The following ACSS1 variants were observed in gnomAD, a reference collection of about 807,000 sequenced individuals.
ACSS1 encodes acetyl-coenzyme A synthetase 2-like, mitochondrial.
Under a neutral mutation model 75.3 loss-of-function variants are expected in ACSS1, and 42 were observed. The ratio of observed to expected loss-of-function variants is 0.56; its 90% CI spans 0.44 to 0.72. The LOEUF (loss-of-function observed/expected upper bound fraction) is 0.72. Ranked by LOEUF, ACSS1 falls within the 30% of genes least tolerant of loss-of-function variation. ACSS1 has a pLI of 0.00. For missense variants in ACSS1, 782 were observed against 935.7 expected (o/e 0.84, Z 2.14); for synonymous variants, 380 against 376.8 (o/e 1.01, Z -0.10).
At chr20:25,032,636 G>C (rs1339781484) in intron 2 of ACSS1, 13 of 1,227,822 alleles carry the variant, frequency 1.1e-5, no homozygotes, top group African/African-American at 1.6e-5. Context: ...GACCCTCCTC[G>C]GGCTCTCAAG....
chr20:25,048,063 T>TGAACATTC, intron 2 of ACSS1, 22 bp downstream of exon 2: 1 of 1,611,354 alleles, frequency 6.2e-7, no homozygotes, highest in Non-Finnish European at 8.5e-7. Context: ...CCTCGCACCT[T>TGAACATTC]GAACATTCGA....
intron 13 of ACSS1, 148 bp from the exon 14 acceptor site, chr20:25,008,089 C>G (rs944826254): frequency 2.8e-6 from 3 of 1,054,910 alleles, no homozygotes; most frequent in Middle Eastern, 3.2e-4. Context: ...CCCCAGAGAA[C>G]GGTGAGGCCC....
chr20:25,021,499 C>T lies in ACSS1; in HGVS notation c.998G>A (p.Cys333Tyr), dbSNP rs1057145840. 1.9e-6 allele frequency: 3 copies of T among 1,614,108 alleles called. No homozygotes were observed. The highest frequency in any genetic ancestry group is 1.3e-5 in the African/African-American group (1 of 74,942). Reference sequence around the variant, plus strand: ...TGTAATCCAACCGATGTCGGCCACACAGCCAAAGATGTCACCTGGCTGGTG... The same window carrying T: ...TGTAATCCAACCGATGTCGGCCACATAGCCAAAGATGTCACCTGGCTGGTG... ...FDHQPGDIFG[C>Y]VADIGWITGH... Residue 333 changes from cysteine to tyrosine, a missense_variant, in exon 6 of 14, where the codon TGT becomes TAT. Transcript: ENST00000323482.
intron 2 of ACSS1, among the ~76,000 whole-genome samples, chr20:25,036,983 GAAAAAGAAAGAAA>G (rs1280957188): frequency 9.4e-6 from 1 of 105,948 alleles, no homozygotes; most frequent in African/African-American, 3.9e-5. Flanking sequence ...AAGAAAGAAA[GAAAAAGAAAGAAA>G]GAAGAAAGAA....
chr20:25,055,356 G>A (rs113906298), intron 1 of ACSS1, among the ~76,000 whole-genome samples: 44 of 152,162 alleles, frequency 2.9e-4, no homozygotes, highest in Admixed American at 9.8e-4. Flanking sequence ...TACAGTACAG[G>A]GAAAGCAAGA....
At chr20:25,046,721 G>A in intron 2 of ACSS1, 1 of 757,364 alleles carries the variant, frequency 1.3e-6, no homozygotes, top group Non-Finnish European at 2.5e-6. Context: ...CCGTGGCGAG[G>A]GGCAGCTGCA....
chr20:25,018,912 G>A (rs1269869675), intron 7 of ACSS1, among the ~76,000 whole-genome samples: 5 of 152,194 alleles, frequency 3.3e-5, no homozygotes, highest in Non-Finnish European at 5.9e-5. Flanking sequence ...CTGACCCTCT[G>A]TGGCATCCTC....
intron 3 of ACSS1, among the ~76,000 whole-genome samples, chr20:25,026,480 A>C (rs2088721397): frequency 6.6e-6 from 1 of 152,168 alleles, no homozygotes; most frequent in Admixed American, 6.5e-5. Context: ...AGGAAGCCCA[A>C]GTCAGCCATG....
Position 25,039,173 on chromosome 20 carries a change from C to T in ACSS1, c.432-8215G>A, listed in dbSNP as rs181142729. 1.8e-3 allele frequency among the ~76,000 whole-genome samples: 267 copies of T among 152,330 alleles called. 1 individual carries two copies. Among genetic ancestry groups the T allele is most frequent in the African/African-American group, 6.0e-3 (251 of 41,574 alleles). Reference sequence around the variant, plus strand: ...CCCATAGGTTCTGAGCTCCCCTTCCCTTCTTCACTTTCCTGATGAGGAAAT... The same window carrying T: ...CCCATAGGTTCTGAGCTCCCCTTCCTTTCTTCACTTTCCTGATGAGGAAAT... On this transcript the variant is annotated intron_variant, in intron 2 of 13. Coordinates refer to ENST00000323482, the MANE Select transcript of ACSS1 (RefSeq NM_032501.4).
intron 3 of ACSS1, among the ~76,000 whole-genome samples, chr20:25,026,453 A>G (rs6050255): frequency 0.32 from 47,916 of 152,040 alleles, 8,231 homozygotes; most frequent in African/African-American, 0.43. Context: ...CCTGACTGCT[A>G]AGGCTGCAAG....
intron 2 of ACSS1, among the ~76,000 whole-genome samples, chr20:25,035,326 G>A (rs554066389): frequency 6.6e-6 from 1 of 152,054 alleles, no homozygotes; most frequent in Non-Finnish European, 1.5e-5. Flanking sequence ...TATGGCCATG[G>A]AAATGTTTTG....
At chr20:25,054,240 A>G (rs2122773736) in intron 1 of ACSS1, among the ~76,000 whole-genome samples, 1 of 152,254 alleles carries the variant, frequency 6.6e-6, no homozygotes, top group East Asian at 1.9e-4. Flanking sequence ...CCTATTCCCC[A>G]CCTATCCCAG....
At chr20:25,008,091 G>A in intron 13 of ACSS1, 150 bp from the exon 14 acceptor site, 1 of 1,060,500 alleles carries the variant, frequency 9.4e-7, no homozygotes, top group Non-Finnish European at 1.3e-6. Flanking sequence ...CCAGAGAACG[G>A]TGAGGCCCGA....
At chr20:25,025,133 G>T (rs74668297) in intron 3 of ACSS1, among the ~76,000 whole-genome samples, 2,764 of 152,314 alleles carry the variant, frequency 0.018, 42 homozygotes, top group Non-Finnish European at 0.027. Flanking sequence ...GCTCATGGGG[G>T]TCAGAAGCTC....
chr20:25,058,031 G>C lies in ACSS1; in HGVS notation c.72C>G (p.Pro24=), dbSNP rs574495011. The C allele has an allele frequency of 2.2e-6, 3 of 1,374,586 alleles. No individual in the cohort carries two copies. Among genetic ancestry groups the C allele is most frequent in the Non-Finnish European group, 2.8e-6 (3 of 1,071,918 alleles). 85.1% of individuals were successfully genotyped at this position (1,374,586 alleles called of 1,614,324 possible). ...LGSLRGLSGQ[P]ARPPCGVSAP... ...CGCTCACCCCGCACGGCGGCCGCGC[G>C]GGCTGCCCCGAGAGCCCTCGCAGGC... is the stretch of plus-strand genomic sequence containing the variant. The change falls in exon 1 of 14, where the codon CCC becomes CCG. Residue 24 remains proline, a synonymous_variant. Transcript: ENST00000323482.
At chr20:25,020,197 CT>C in intron 6 of ACSS1, 50 bp from the exon 7 acceptor site, 1 of 1,609,742 alleles carries the variant, frequency 6.2e-7, no homozygotes, top group Non-Finnish European at 8.5e-7. Context: ...ACATGGTTTA[CT>C]TTAAACTCAG....
chr20:25,051,133 C>T, intron 1 of ACSS1, among the ~76,000 whole-genome samples: 1 of 152,198 alleles, frequency 6.6e-6, no homozygotes, highest in East Asian at 1.9e-4. Context: ...GGCACTGTGC[C>T]CTCCTCACAC....
chr20:25,057,007 G>A (rs1054056430), intron 1 of ACSS1, among the ~76,000 whole-genome samples: 3 of 152,212 alleles, frequency 2.0e-5, no homozygotes, highest in African/African-American at 7.2e-5. Context: ...CCAAATCTTA[G>A]CAGAGCAGCA....
Position 25,053,243 on chromosome 20 carries a change from T to A in ACSS1, c.334+4526A>T, listed in dbSNP as rs572821847. On this transcript the variant is annotated intron_variant, in intron 1 of 13. Coordinates refer to ENST00000323482, the MANE Select transcript of ACSS1 (RefSeq NM_032501.4). ...CACGCTCGGCTAATTTTTTTTTTTT[T>A]TTTTTGAGATGGGGTTCTCACTACG... is the stretch of plus-strand genomic sequence containing the variant. Among the ~76,000 whole-genome samples, 6 of 150,778 alleles carry A rather than the reference T, an allele frequency of 4.0e-5. No individual in the cohort carries two copies. In the South Asian group the frequency reaches 1.1e-3, roughly 27 times the overall value.
Sources: allele counts gnomAD v4.1 joint callset (sites outside exome capture counted in the v4.1 genomes callset), GRCh38; gene constraint gnomAD v4.1.1; transcripts MANE v1.5; gene names NCBI Gene and HGNC (gene_info 2026-07-23, HGNC 2026-07-21).